The following SGCZ variants were observed in gnomAD, a reference collection of about 807,000 sequenced individuals.
SGCZ encodes the protein sarcoglycan zeta, also known as zeta-sarcoglycan.
SGCZ carries 40 observed loss-of-function variants against 41.3 expected under a neutral mutation model. That is an observed-to-expected ratio of 0.97 (90% CI 0.75 to 1.26). The LOEUF (loss-of-function observed/expected upper bound fraction) is 1.26, where lower values mean the gene tolerates loss of function less well. SGCZ is among the 50% of genes most tolerant of loss of function. The pLI, the probability that SGCZ is intolerant of heterozygous loss-of-function variation, is 0.00. For missense variants in SGCZ, 552 were observed against 369.8 expected (o/e 1.49, Z -4.04); for synonymous variants, 206 against 137.5 (o/e 1.50, Z -3.49).
chr8:14,899,745 C>T (rs574928627), intron 1 of SGCZ, among the ~76,000 whole-genome samples: 3 of 151,080 alleles, frequency 2.0e-5, no homozygotes, highest in Non-Finnish European at 2.9e-5. Context: ...GCCTATACCT[C>T]AAAATGAGGA....
At chr8:14,472,525 G>T (rs1801241967) in intron 2 of SGCZ, among the ~76,000 whole-genome samples, 1 of 152,032 alleles carries the variant, frequency 6.6e-6, no homozygotes, top group African/African-American at 2.4e-5. Flanking sequence ...AAGACCCAAA[G>T]TAGTTTCATG....
intron 1 of SGCZ, among the ~76,000 whole-genome samples, chr8:15,122,305 G>C (rs1407295713): frequency 6.6e-6 from 1 of 152,074 alleles, no homozygotes; most frequent in Non-Finnish European, 1.5e-5. Flanking sequence ...CAGGAATTTA[G>C]CCAAGCAAAA....
chr8:14,595,544 G>A (rs1370784969), intron 1 of SGCZ, among the ~76,000 whole-genome samples: 2 of 152,004 alleles, frequency 1.3e-5, no homozygotes, highest in Non-Finnish European at 2.9e-5. Flanking sequence ...CTGAAGTTCC[G>A]TGGCTGCTGT....
intron 2 of SGCZ, among the ~76,000 whole-genome samples, chr8:14,355,277 T>C (rs913446804): frequency 2.0e-5 from 3 of 152,098 alleles, no homozygotes; most frequent in Non-Finnish European, 2.9e-5. Context: ...CAATTTTTAT[T>C]TGTATTTAAA....
intron 5 of SGCZ, among the ~76,000 whole-genome samples, chr8:14,130,610 T>G (rs1216126773): frequency 1.3e-5 from 2 of 152,144 alleles, no homozygotes; most frequent in African/African-American, 4.8e-5. Flanking sequence ...TTTAGGCAGA[T>G]AGTGAGGGTA....
chr8:14,610,735 A>G (rs1187071763), intron 1 of SGCZ, among the ~76,000 whole-genome samples: 2 of 152,190 alleles, frequency 1.3e-5, no homozygotes, highest in Non-Finnish European at 2.9e-5. Flanking sequence ...TGTAAGACAT[A>G]ACACACAGAC....
At chr8:14,998,762 G>C (rs1316398156) in intron 1 of SGCZ, among the ~76,000 whole-genome samples, 1 of 152,162 alleles carries the variant, frequency 6.6e-6, no homozygotes, top group African/African-American at 2.4e-5. Flanking sequence ...GTAGCAATGT[G>C]TTGAGTGGTT....
chr8:14,636,567 G>A (rs911823520), intron 1 of SGCZ, among the ~76,000 whole-genome samples: 2 of 151,902 alleles, frequency 1.3e-5, no homozygotes, highest in African/African-American at 2.4e-5. Context: ...GCTGTCAATA[G>A]GTTTGTGGGT....
chr8:15,061,654 T>C (rs1335839090), intron 1 of SGCZ, among the ~76,000 whole-genome samples: 1 of 151,686 alleles, frequency 6.6e-6, no homozygotes, highest in Non-Finnish European at 1.5e-5. Context: ...TTCTACATCT[T>C]GCCATGTGAG....
intron 7 of SGCZ, among the ~76,000 whole-genome samples, chr8:14,100,854 C>G (rs1191499960): frequency 6.6e-6 from 1 of 151,724 alleles, no homozygotes; most frequent in Non-Finnish European, 1.5e-5. Context: ...CAGAACATGC[C>G]TCTCAACTTA....
At chr8:14,959,059 C>G (rs945718647) in intron 1 of SGCZ, among the ~76,000 whole-genome samples, 6 of 152,048 alleles carry the variant, frequency 3.9e-5, no homozygotes, top group Non-Finnish European at 7.4e-5. Context: ...CATACAAACA[C>G]TAATGCCAAC....
intron 4 of SGCZ, among the ~76,000 whole-genome samples, chr8:14,234,902 A>C (rs942431741): frequency 1.3e-5 from 2 of 152,172 alleles, no homozygotes; most frequent in Non-Finnish European, 2.9e-5. Context: ...CAGTACCATA[A>C]TTCAACCTTA....
At chr8:14,222,792 ATTTTTTTTTTTTTT>A (rs775444301) in intron 4 of SGCZ, among the ~76,000 whole-genome samples, 14 of 48,894 alleles carry the variant, frequency 2.9e-4, no homozygotes, top group East Asian at 2.5e-3. Flanking sequence ...AGTCACAGTG[ATTTTTTTTTTTTTT>A]TTTTTTTTTT....
intron 1 of SGCZ, among the ~76,000 whole-genome samples, chr8:15,210,876 G>A (rs1318625521): frequency 6.6e-6 from 1 of 151,838 alleles, no homozygotes; most frequent in Non-Finnish European, 1.5e-5. Flanking sequence ...TTTTCATCCA[G>A]TTTAGAACCC....
intron 1 of SGCZ, among the ~76,000 whole-genome samples, chr8:15,049,129 A>G (rs1804422771): frequency 6.6e-6 from 1 of 152,190 alleles, no homozygotes; most frequent in African/African-American, 2.4e-5. Flanking sequence ...TATAAAGGAT[A>G]TGAAGATCTT....
chr8:14,799,129 T>C (rs913486551), intron 1 of SGCZ, among the ~76,000 whole-genome samples: 2 of 152,006 alleles, frequency 1.3e-5, no homozygotes, highest in Admixed American at 1.3e-4. Flanking sequence ...AAAATACATT[T>C]TGGAAGAAAA....
At chr8:14,254,803 G>A (rs532703440) in intron 3 of SGCZ, among the ~76,000 whole-genome samples, 2 of 152,088 alleles carry the variant, frequency 1.3e-5, no homozygotes, top group South Asian at 4.2e-4. Context: ...TTCTAAATGT[G>A]AGTGATCAAT....
intron 1 of SGCZ, among the ~76,000 whole-genome samples, chr8:14,666,746 C>G (rs1379571331): frequency 6.9e-6 from 1 of 145,984 alleles, no homozygotes; most frequent in Non-Finnish European, 1.5e-5. Flanking sequence ...GACAACAAAA[C>G]TAGGCCACAT....
intron 5 of SGCZ, among the ~76,000 whole-genome samples, chr8:14,141,143 C>G (rs979946815): frequency 1.3e-5 from 2 of 152,168 alleles, no homozygotes; most frequent in Non-Finnish European, 2.9e-5. Context: ...AACTGGATTC[C>G]TTCGTTACAC....
Sources: gnomAD v4.1 joint callset for allele counts (sites outside exome capture counted in the v4.1 genomes callset) on GRCh38, gnomAD v4.1.1 for gene constraint, MANE v1.5 for transcripts, NCBI Gene and HGNC (gene_info 2026-07-23, HGNC 2026-07-21) for gene names.